Variants in TPRG1 observed in about 807,000 individuals in gnomAD.
The protein encoded by TPRG1 is tumor protein p63 regulated 1, also known as tumor protein p63-regulated gene 1 protein.
TPRG1 carries 29 observed loss-of-function variants against 29.3 expected under a neutral mutation model. The ratio of observed to expected loss-of-function variants is 0.99; its 90% CI spans 0.74 to 1.35. The LOEUF (loss-of-function observed/expected upper bound fraction) is 1.35, where lower values mean the gene tolerates loss of function less well. Among genes scored for constraint, TPRG1 ranks in the 40% most tolerant of loss-of-function variants. The pLI, the probability that TPRG1 is intolerant of heterozygous loss-of-function variation, is 0.00. For synonymous variants in TPRG1, 130 were observed against 116.8 expected, an observed-to-expected ratio of 1.11 and a Z score of -0.73; for missense variants, 327 against 335.0, an observed-to-expected ratio of 0.98 and a Z score of 0.19.
In TPRG1 at chr3:189,238,820, G is replaced by T. The variant is rs768488932; in HGVS notation, c.390G>T (p.Leu130=). ...LLICKYDFIM[L]SCVQLQRIPL... is the part of the protein sequence containing the mutation. ...TCTGCAAATACGACTTCATCATGCT[G>T]AGTTGTGTGCAGCTGCAGCGGATTC... Residue 130 remains leucine (L), a synonymous_variant, in exon 4 of 6, where the codon CTG becomes CTT. Coordinates refer to ENST00000345063, the MANE Select transcript of TPRG1 (RefSeq NM_198485.4). The T allele has an allele frequency of 6.2e-7, 1 of 1,613,834 alleles. No individual in the cohort carries two copies. Among genetic ancestry groups the T allele is most frequent in the Non-Finnish European group, 8.5e-7 (1 of 1,179,756 alleles).
intron 1 of TPRG1, among the ~76,000 whole-genome samples, chr3:189,187,248 A>G (rs867148446): frequency 9.2e-5 from 14 of 151,770 alleles, no homozygotes; most frequent in South Asian, 6.2e-4. Flanking sequence ...TCAGCCTCCC[A>G]AAGTGCTGGG....
chr3:189,056,430 C>G (rs1262239196), intron 4 of TPRG1, among the ~76,000 whole-genome samples: 1 of 152,014 alleles, frequency 6.6e-6, no homozygotes, highest in Middle Eastern at 3.2e-3. Context: ...TTTTCTCTCC[C>G]CCTTATTTGT....
intron 4 of TPRG1, among the ~76,000 whole-genome samples, chr3:189,254,594 C>T (rs189075451): frequency 9.9e-5 from 15 of 152,272 alleles, no homozygotes; most frequent in Non-Finnish European, 7.4e-5. Context: ...AGCATTGAAT[C>T]CATAAATTAC....
chr3:189,226,787 G>T (rs1737794477), intron 3 of TPRG1, among the ~76,000 whole-genome samples: 1 of 134,870 alleles, frequency 7.4e-6, no homozygotes, highest in African/African-American at 2.7e-5. Flanking sequence ...AAAGCATCTA[G>T]CAAGGCTGAC....
chr3:189,166,843 C>T (rs1309852856), intron 5 of TPRG1, among the ~76,000 whole-genome samples: 1 of 152,072 alleles, frequency 6.6e-6, no homozygotes, highest in East Asian at 1.9e-4. Context: ...TTTTAAAGAT[C>T]AGGGTCATTT....
intron 5 of TPRG1, among the ~76,000 whole-genome samples, chr3:189,158,797 C>T (rs910305167): frequency 1.7e-4 from 26 of 152,118 alleles, no homozygotes; most frequent in Admixed American, 1.3e-3. Context: ...CTGCCGTTTT[C>T]GTTTTGCACT....
chr3:189,283,181 T>G (rs777875622), intron 4 of TPRG1, among the ~76,000 whole-genome samples: 34 of 152,220 alleles, frequency 2.2e-4, no homozygotes, highest in Non-Finnish European at 4.7e-4. Context: ...GTTTTGGAGT[T>G]CCTTGACCAC....
intron 3 of TPRG1, among the ~76,000 whole-genome samples, chr3:189,228,869 A>T (rs909246826): frequency 6.6e-6 from 1 of 152,230 alleles, no homozygotes; most frequent in Non-Finnish European, 1.5e-5. Context: ...TTAGAAAATT[A>T]TAAGGAGTCT....
intron 4 of TPRG1, among the ~76,000 whole-genome samples, chr3:189,074,648 C>T (rs1717025223): frequency 6.6e-6 from 1 of 152,076 alleles, no homozygotes; most frequent in African/African-American, 2.4e-5. Flanking sequence ...CTTTCTTTAA[C>T]TGTGTTCTTT....
chr3:189,268,467 G>A (rs1714512724), intron 4 of TPRG1, among the ~76,000 whole-genome samples: 4 of 152,204 alleles, frequency 2.6e-5, no homozygotes, highest in Admixed American at 2.6e-4. Flanking sequence ...TTGGTTGCCA[G>A]GAGGTTATAT....
At chr3:189,295,489 C>G (rs1719739694) in intron 4 of TPRG1, among the ~76,000 whole-genome samples, 1 of 100,586 alleles carries the variant, frequency 9.9e-6, no homozygotes, top group Admixed American at 1.4e-4. Flanking sequence ...GGGTACTACT[C>G]AGATTGCAAA....
At chr3:189,023,481 T>G (rs1387392744) in intron 3 of TPRG1, among the ~76,000 whole-genome samples, 1 of 152,236 alleles carries the variant, frequency 6.6e-6, no homozygotes, top group Non-Finnish European at 1.5e-5. Context: ...TTATCCATAT[T>G]CTGAAGCTTA....
chr3:189,137,381 G>A (rs988928547), intron 3 of TPRG1, among the ~76,000 whole-genome samples: 2 of 147,804 alleles, frequency 1.4e-5, no homozygotes, highest in Non-Finnish European at 3.0e-5. Context: ...ACCAAAACAA[G>A]TAACAGCAGC....
At chr3:189,261,572 G>A (rs1713054323) in intron 4 of TPRG1, among the ~76,000 whole-genome samples, 1 of 152,204 alleles carries the variant, frequency 6.6e-6, no homozygotes, top group African/African-American at 2.4e-5. Flanking sequence ...GGCAGCCATT[G>A]TGTACGACAG....
At chr3:189,278,367 A>C (rs1329380233) in intron 4 of TPRG1, among the ~76,000 whole-genome samples, 1 of 152,114 alleles carries the variant, frequency 6.6e-6, no homozygotes, top group African/African-American at 2.4e-5. Flanking sequence ...CTGGATTCTC[A>C]CAGGCCTGTG....
rs1223804829 is a variant in TPRG1 at position 189,324,570 on chromosome 3, GC to G, written c.*3753del. ...TCCGATTTCCTATCTGATAAAAAAA[GC>G]CCAAACAAAGCTGCGGAAGCTGGCA... On this transcript the variant is annotated 3_prime_UTR_variant, in exon 6 of 6. Coordinates refer to ENST00000345063, the MANE Select transcript of TPRG1 (RefSeq NM_198485.4). 6.6e-6 allele frequency: 1 copy of G among 152,048 alleles called. No individual in the cohort carries two copies. The highest frequency in any genetic ancestry group is 1.5e-5 in the Non-Finnish European group (1 of 67,996). 9.4% of individuals were successfully genotyped at this position (152,048 alleles called of 1,614,324 possible). A position where few individuals can be genotyped will look rare whatever the true frequency, so the allele number is the denominator to read the frequency against.
At chr3:189,081,115 C>G (rs375005922) in intron 4 of TPRG1, among the ~76,000 whole-genome samples, 1 of 152,076 alleles carries the variant, frequency 6.6e-6, no homozygotes, top group Non-Finnish European at 1.5e-5. Flanking sequence ...GTGATTGAAA[C>G]GGGCTGGTGA....
chr3:189,227,160 G>A (rs1377059687), intron 3 of TPRG1, among the ~76,000 whole-genome samples: 2 of 149,180 alleles, frequency 1.3e-5, no homozygotes, highest in African/African-American at 5.0e-5. Flanking sequence ...AAAAAAAAAA[G>A]AAAAAAAAGA....
At chr3:189,232,867 A>G (rs1274212318) in intron 3 of TPRG1, among the ~76,000 whole-genome samples, 1 of 152,204 alleles carries the variant, frequency 6.6e-6, no homozygotes, top group African/African-American at 2.4e-5. Flanking sequence ...CCACGACTCC[A>G]CTTAACTCAG....
Sources: allele counts gnomAD v4.1 joint callset (sites outside exome capture counted in the v4.1 genomes callset), GRCh38; gene constraint gnomAD v4.1.1; transcripts MANE v1.5; gene names NCBI Gene and HGNC (gene_info 2026-07-23, HGNC 2026-07-21).